RAD51B: variants seen among roughly 807,000 people sequenced by gnomAD.
RAD51B encodes the protein DNA repair protein RAD51 homolog 2.
A neutral mutation model predicts 42.2 loss-of-function variants in RAD51B; 38 were observed. The ratio of observed to expected loss-of-function variants is 0.90; its 90% CI spans 0.70 to 1.18. The LOEUF (loss-of-function observed/expected upper bound fraction) is 1.18. Among genes scored for constraint, RAD51B ranks in the 50% most tolerant of loss-of-function variants. The probability of loss-of-function intolerance (pLI) is 0.00; values close to 1 mark genes in which losing one functional copy is unlikely to be tolerated. For missense variants in RAD51B, 373 were observed against 400.7 expected, an observed-to-expected ratio of 0.93 and a Z score of 0.59; for synonymous variants, 154 against 145.2, an observed-to-expected ratio of 1.06 and a Z score of -0.43.
rs1289548798 is a variant in RAD51B, at chr14:68,294,466, G to C, written c.853+2486G>C. On this transcript the variant is annotated intron_variant, in intron 8 of 10. Transcript: ENST00000471583. ...AGTTCCTGTGATTTACACACACACAGACATGCACACGCATGTATAAATTGC... is the reference window on the plus strand; with the variant it reads ...AGTTCCTGTGATTTACACACACACACACATGCACACGCATGTATAAATTGC... Among the ~76,000 whole-genome samples the C allele has an allele frequency of 2.0e-5, 3 of 152,284 alleles. No homozygotes were observed. The East Asian group carries it at 5.8e-4, about 29-fold the overall frequency.
intron 7 of RAD51B, among the ~76,000 whole-genome samples, chr14:68,121,838 TG>T (rs1327021144): frequency 6.6e-6 from 1 of 152,092 alleles, no homozygotes; most frequent in African/African-American, 2.4e-5. Context: ...TTTTGTAAAA[TG>T]TATTAAGCTA....
At chr14:68,272,997 A>G (rs1042051424) in intron 7 of RAD51B, among the ~76,000 whole-genome samples, 9 of 151,688 alleles carry the variant, frequency 5.9e-5, no homozygotes, top group Non-Finnish European at 1.2e-4. Flanking sequence ...CACTTTCTAT[A>G]TTTTAAAAGT....
chr14:68,295,631 G>A (rs2081599561), intron 8 of RAD51B, among the ~76,000 whole-genome samples: 1 of 152,166 alleles, frequency 6.6e-6, no homozygotes, highest in African/African-American at 2.4e-5. Context: ...ATCTGTTGGG[G>A]TGGAAGAGAT....
Position 68,639,858 on chromosome 14 carries a change from C to T in RAD51B, c.1037-10923C>T, listed in dbSNP as rs561564778. ...AGGCCGGAGTGCAGTGGCGCAATCT[C>T]GGCTCACTGCTGCCTCCATCTCCTG... is the stretch of plus-strand genomic sequence containing the variant. On this transcript the variant is annotated intron_variant, in intron 10 of 11. Transcript: ENST00000488612. Among the ~76,000 whole-genome samples the T allele has an allele frequency of 2.6e-5, 4 of 152,142 alleles. No homozygotes were observed. In the South Asian group the frequency reaches 6.2e-4, roughly 24 times the overall value.
intron 7 of RAD51B, among the ~76,000 whole-genome samples, chr14:67,915,628 G>A (rs2044125158): frequency 6.6e-6 from 1 of 152,192 alleles, no homozygotes; most frequent in Non-Finnish European, 1.5e-5. Flanking sequence ...ACACTTGAAA[G>A]GGCTTGCCCC....
At chr14:68,665,359 G>T (rs1893011287) in intron 11 of RAD51B, among the ~76,000 whole-genome samples, 1 of 152,250 alleles carries the variant, frequency 6.6e-6, no homozygotes, top group African/African-American at 2.4e-5. Context: ...AAAAGACAAG[G>T]ATCGAGCTTC....
intron 4 of RAD51B, among the ~76,000 whole-genome samples, chr14:67,857,442 C>T (rs916955048): frequency 5.3e-5 from 8 of 151,944 alleles, no homozygotes; most frequent in African/African-American, 1.9e-4. Context: ...TGCCAGTTGC[C>T]CTTGTTTAAC....
intron 7 of RAD51B, among the ~76,000 whole-genome samples, chr14:67,999,480 C>G (rs1036047247): frequency 1.3e-5 from 2 of 152,128 alleles, no homozygotes; most frequent in African/African-American, 4.8e-5. Context: ...ATATAAACAA[C>G]ACATTCCAAG....
intron 7 of RAD51B, among the ~76,000 whole-genome samples, chr14:68,170,982 A>G (rs975593967): frequency 3.3e-5 from 5 of 152,234 alleles, no homozygotes; most frequent in African/African-American, 1.2e-4. Flanking sequence ...AGAAAAAAGT[A>G]AGTTTTTACC....
At chr14:68,011,109 T>G (rs1032227169) in intron 7 of RAD51B, among the ~76,000 whole-genome samples, 1 of 152,010 alleles carries the variant, frequency 6.6e-6, no homozygotes, top group African/African-American at 2.4e-5. Context: ...GTATGAATTT[T>G]TAATGATTGG....
In RAD51B at chr14:68,301,592, GTTTTTT is replaced by G. The variant is rs139865933; in HGVS notation, c.853+9629_853+9634del. ...TGTGAGGTTTTTTTTTTGTTTGTGT[GTTTTTT>G]TTTTTTTTTTTTTTTTGAGACATAC... On this transcript the variant is annotated intron_variant, in intron 8 of 10. Coordinates refer to ENST00000471583, the MANE Select transcript of RAD51B (RefSeq NM_133510.4). Among the ~76,000 whole-genome samples the G allele has an allele frequency of 1.5e-3, 169 of 109,748 alleles. 1 individual carries two copies. Among genetic ancestry groups the G allele is most frequent in the Middle Eastern group, 5.2e-3 (1 of 192 alleles). 72.0% of individuals were successfully genotyped at this position (109,748 alleles called of 152,430 possible).
chr14:68,119,297 T>G (rs1368383114), intron 7 of RAD51B, among the ~76,000 whole-genome samples: 1 of 150,734 alleles, frequency 6.6e-6, no homozygotes, highest in Admixed American at 6.6e-5. Flanking sequence ...ATTTTATCAT[T>G]TATTTATTTT....
intron 10 of RAD51B, among the ~76,000 whole-genome samples, chr14:68,579,029 GAC>G (rs1254910736): frequency 6.6e-6 from 1 of 152,092 alleles, no homozygotes; most frequent in East Asian, 1.9e-4. Context: ...AAAGAGGTAG[GAC>G]ACACAGTAGG....
At chr14:68,540,616 A>G in intron 10 of RAD51B, 1 of 985,368 alleles carries the variant, frequency 1.0e-6, no homozygotes, top group Non-Finnish European at 1.2e-6. Flanking sequence ...GACACCCCCC[A>G]ACCCAAAGAA....
At chr14:68,532,455 T>C (rs563264929) in intron 10 of RAD51B, among the ~76,000 whole-genome samples, 95 of 152,258 alleles carry the variant, frequency 6.2e-4, no homozygotes, top group African/African-American at 2.1e-3. Context: ...AATGAGCAAA[T>C]CTATGAACAA....
At chr14:67,998,665 G>T (rs2140305943) in intron 7 of RAD51B, among the ~76,000 whole-genome samples, 1 of 152,250 alleles carries the variant, frequency 6.6e-6, no homozygotes, top group South Asian at 2.1e-4. Flanking sequence ...GGGCAGATGG[G>T]AAAAGGATCA....
intron 7 of RAD51B, among the ~76,000 whole-genome samples, chr14:68,054,932 C>A (rs2076450095): frequency 6.6e-6 from 1 of 152,034 alleles, no homozygotes; most frequent in African/African-American, 2.4e-5. Flanking sequence ...TAGTGGACAC[C>A]CAGCTGGTGT....
chr14:68,320,047 C>T (rs879467052), intron 8 of RAD51B, among the ~76,000 whole-genome samples: 36 of 152,144 alleles, frequency 2.4e-4, no homozygotes, highest in African/African-American at 3.4e-4. Flanking sequence ...ACTCCAAAAC[C>T]CCTTCAGTAA....
intron 7 of RAD51B, among the ~76,000 whole-genome samples, chr14:68,020,323 C>A (rs2140348146): frequency 6.6e-6 from 1 of 152,172 alleles, no homozygotes; most frequent in South Asian, 2.1e-4. Flanking sequence ...TTTGCCCAGG[C>A]TGGTCTTGAA....
Sources: allele counts gnomAD v4.1 joint callset (sites outside exome capture counted in the v4.1 genomes callset), GRCh38; gene constraint gnomAD v4.1.1; transcripts MANE v1.5; gene names NCBI Gene and HGNC (gene_info 2026-07-23, HGNC 2026-07-21).